The following ZMAT4 variants were observed in gnomAD, a reference collection of about 807,000 sequenced individuals.
ZMAT4 encodes zinc finger matrin-type 4.
ZMAT4 carries 17 observed loss-of-function variants against 28.7 expected under a neutral mutation model. The observed-to-expected ratio is 0.59, with a 90% CI of 0.41 to 0.89. The LOEUF is 0.89. Among genes scored for constraint, ZMAT4 ranks in the 40% least tolerant of loss-of-function variants. ZMAT4 has a pLI of 0.00. For synonymous variants in ZMAT4, 117 were observed against 109.2 expected, an observed-to-expected ratio of 1.07 and a Z score of -0.44; for missense variants, 240 against 283.8, an observed-to-expected ratio of 0.85 and a Z score of 1.11.
intron 1 of ZMAT4, among the ~76,000 whole-genome samples, chr8:40,837,656 G>A (rs78566837): frequency 1.3e-5 from 2 of 152,282 alleles, no homozygotes; most frequent in African/African-American, 4.8e-5. Flanking sequence ...AGCTCTCTGG[G>A]TCATGGCACT....
intron 3 of ZMAT4, among the ~76,000 whole-genome samples, chr8:40,701,506 A>ATTTTTTTTT (rs58912869): frequency 1.4e-5 from 1 of 73,888 alleles, no homozygotes; most frequent in Non-Finnish European, 2.5e-5. Context: ...ACTATGCAGA[A>ATTTTTTTTT]TTTTTTTTTT....
chr8:40,802,123 A>G (rs1814875591), intron 2 of ZMAT4, among the ~76,000 whole-genome samples: 1 of 152,250 alleles, frequency 6.6e-6, no homozygotes, highest in Admixed American at 6.5e-5. Flanking sequence ...CTAACATCAT[A>G]CATAACAGTG....
At chr8:40,683,722 A>G (rs1809274207) in intron 4 of ZMAT4, among the ~76,000 whole-genome samples, 1 of 152,212 alleles carries the variant, frequency 6.6e-6, no homozygotes, top group Non-Finnish European at 1.5e-5. Flanking sequence ...TAGTGTAGTT[A>G]TTTAAGAAGG....
chr8:40,683,846 C>T (rs1188276761), intron 4 of ZMAT4, among the ~76,000 whole-genome samples: 2 of 152,090 alleles, frequency 1.3e-5, no homozygotes, highest in African/African-American at 2.4e-5. Flanking sequence ...GGGTGGATCA[C>T]TAAAGCCCAG....
intron 5 of ZMAT4, among the ~76,000 whole-genome samples, chr8:40,660,223 G>A (rs560549426): frequency 2.6e-5 from 4 of 152,148 alleles, no homozygotes; most frequent in South Asian, 2.1e-4. Context: ...GATCTCTTTC[G>A]GTAAGTAACA....
intron 2 of ZMAT4, among the ~76,000 whole-genome samples, chr8:40,821,471 AT>A (rs944155312): frequency 5.3e-5 from 8 of 151,692 alleles, no homozygotes; most frequent in African/African-American, 1.2e-4. Context: ...TATGTTCCCT[AT>A]TTTTTTTCAC....
At chr8:40,646,996 A>C (rs1337580979) in intron 5 of ZMAT4, among the ~76,000 whole-genome samples, 2 of 152,228 alleles carry the variant, frequency 1.3e-5, no homozygotes, top group African/African-American at 4.8e-5. Context: ...AAATCAGATA[A>C]GTATATTCTT....
intron 4 of ZMAT4, among the ~76,000 whole-genome samples, chr8:40,684,894 C>T (rs1279952683): frequency 6.6e-6 from 1 of 151,960 alleles, no homozygotes; most frequent in Non-Finnish European, 1.5e-5. Context: ...GCTACCACCC[C>T]CACCCCTGAA....
chr8:40,665,552 G>T (rs1443449828), intron 5 of ZMAT4, among the ~76,000 whole-genome samples: 3 of 152,200 alleles, frequency 2.0e-5, no homozygotes, highest in African/African-American at 7.2e-5. Context: ...ATGAAGTCAT[G>T]AATGTGGGGG....
intron 6 of ZMAT4, among the ~76,000 whole-genome samples, chr8:40,539,976 C>T (rs777294569): frequency 6.6e-6 from 1 of 152,174 alleles, no homozygotes; most frequent in Admixed American, 6.5e-5. Context: ...AGTAGCCCAA[C>T]CTTTAGGGAG....
intron 6 of ZMAT4, among the ~76,000 whole-genome samples, chr8:40,562,798 A>G (rs1213438288): frequency 1.3e-5 from 2 of 152,036 alleles, no homozygotes; most frequent in Non-Finnish European, 2.9e-5. Context: ...TTCCTTCTTG[A>G]AATGTTTTTT....
chr8:40,733,569 T>C (rs926037691), intron 3 of ZMAT4, among the ~76,000 whole-genome samples: 1 of 152,054 alleles, frequency 6.6e-6, no homozygotes, highest in African/African-American at 2.4e-5. Flanking sequence ...TGAGCAGTCA[T>C]AGCCTATTAC....
intron 1 of ZMAT4, among the ~76,000 whole-genome samples, chr8:40,858,990 CT>C: frequency 6.6e-6 from 1 of 152,186 alleles, no homozygotes; most frequent in Non-Finnish European, 1.5e-5. Context: ...CCTAACTAAA[CT>C]GAGGAGACTC....
intron 3 of ZMAT4, among the ~76,000 whole-genome samples, chr8:40,729,298 T>C (rs1811435572): frequency 6.6e-6 from 1 of 152,176 alleles, no homozygotes; most frequent in South Asian, 2.1e-4. Context: ...ATCTCTGTCA[T>C]ATCAAGTATC....
intron 2 of ZMAT4, among the ~76,000 whole-genome samples, chr8:40,816,649 G>A (rs953198715): frequency 6.6e-6 from 1 of 152,174 alleles, no homozygotes; most frequent in Non-Finnish European, 1.5e-5. Context: ...ACAGTTGTAG[G>A]AAAACCAGAA....
intron 5 of ZMAT4, among the ~76,000 whole-genome samples, chr8:40,648,124 C>T (rs1192736003): frequency 6.6e-6 from 1 of 152,150 alleles, no homozygotes; most frequent in Admixed American, 6.5e-5. Context: ...TCAAATTACT[C>T]TGAGCTATGG....
chr8:40,871,294 C>T, intron 1 of ZMAT4, among the ~76,000 whole-genome samples: 1 of 152,192 alleles, frequency 6.6e-6, no homozygotes, highest in Non-Finnish European at 1.5e-5. Flanking sequence ...TGTCCAAAGA[C>T]TCCTTTCCAC....
chr8:40,894,476 A>G (rs1473808313), intron 1 of ZMAT4, among the ~76,000 whole-genome samples: 1 of 152,088 alleles, frequency 6.6e-6, no homozygotes, highest in Non-Finnish European at 1.5e-5. Context: ...AGGTAACCCT[A>G]CATGTAGGGT....
intron 1 of ZMAT4, among the ~76,000 whole-genome samples, chr8:40,867,191 A>G (rs1457167077): frequency 6.6e-6 from 1 of 152,232 alleles, no homozygotes; most frequent in East Asian, 1.9e-4. Flanking sequence ...CTTGGGCCAC[A>G]TTGGAAGAAT....
Sources: gnomAD v4.1 joint callset for allele counts (sites outside exome capture counted in the v4.1 genomes callset) on GRCh38, gnomAD v4.1.1 for gene constraint, MANE v1.5 for transcripts, NCBI Gene and HGNC (gene_info 2026-07-23, HGNC 2026-07-21) for gene names.